ZFP64: variants seen among roughly 807,000 people sequenced by gnomAD.
The protein encoded by ZFP64 is zinc finger protein 64.
ZFP64 carries 14 observed loss-of-function variants against 51.6 expected under a neutral mutation model. The ratio of observed to expected loss-of-function variants is 0.27; its 90% confidence interval spans 0.18 to 0.42. The LOEUF (loss-of-function observed/expected upper bound fraction) is 0.42. ZFP64 is among the 10% of genes least tolerant of loss of function. The pLI is 1.00. For synonymous variants in ZFP64, 375 were observed against 361.4 expected (o/e 1.04, Z -0.43); for missense variants, 754 against 906.8 (o/e 0.83, Z 2.16).
At chr20:52,158,353 C>G (rs1301824649) in intron 5 of ZFP64, among the ~76,000 whole-genome samples, 2 of 152,148 alleles carry the variant, frequency 1.3e-5, no homozygotes, top group African/African-American at 4.8e-5. Flanking sequence ...TGCATTTTGC[C>G]TGTCAGAGAG....
chr20:52,179,341 C>T (rs1180918667), intron 2 of ZFP64, among the ~76,000 whole-genome samples: 1 of 152,192 alleles, frequency 6.6e-6, no homozygotes, highest in Non-Finnish European at 1.5e-5. Flanking sequence ...TGAAAACGGA[C>T]TAACACAGCC....
chr20:52,191,151 G>A lies in ZFP64; in HGVS notation c.46+440C>T, dbSNP rs904861274. Among the ~76,000 whole-genome samples the A allele has an allele frequency of 2.0e-5, 3 of 152,166 alleles. No homozygotes were observed. Among genetic ancestry groups the A allele is most frequent in the Admixed American group, 1.3e-4 (2 of 15,280 alleles). On this transcript the variant is annotated intron_variant, in intron 1 of 5. Transcript: ENST00000216923. This position sits in a 1 kb window ranked among gnomAD's most constrained non-coding sequence, Gnocchi z 4.3. The stretch of plus-strand genomic sequence containing the variant: ...TTGCAATGAGCCGGCAGGACCTCGT[G>A]AGACCTGGTGATTCCCCCAATCTCC...
At chr20:52,130,325 C>T (rs986835328) in intron 5 of ZFP64, among the ~76,000 whole-genome samples, 1 of 152,170 alleles carries the variant, frequency 6.6e-6, no homozygotes, top group Admixed American at 6.5e-5. Context: ...GTGATCCTCC[C>T]ACCTCAGCCT....
intron 5 of ZFP64, among the ~76,000 whole-genome samples, chr20:52,113,932 T>C (rs556945666): frequency 2.4e-4 from 37 of 152,022 alleles, no homozygotes; most frequent in Non-Finnish European, 4.9e-4. Flanking sequence ...GTGGTAGTGG[T>C]GGGTACCTGA....
intron 2 of ZFP64, among the ~76,000 whole-genome samples, chr20:52,184,094 C>T (rs1186791416): frequency 6.6e-6 from 1 of 152,134 alleles, no homozygotes; most frequent in Non-Finnish European, 1.5e-5. Context: ...AAGTGATCCG[C>T]CTCGGTCTCC....
intron 5 of ZFP64, among the ~76,000 whole-genome samples, chr20:52,140,505 C>T (rs755819057): frequency 6.6e-5 from 10 of 152,228 alleles, no homozygotes; most frequent in African/African-American, 1.2e-4. Flanking sequence ...AAACCAGCCA[C>T]GACATTGTCT....
rs1439641440 is a variant in ZFP64 at position 52,108,947 on chromosome 20, T to C, written c.764-10360A>G. On this transcript the variant is annotated intron_variant, in intron 5 of 8. Transcript: ENST00000361387. ...GATATAAATGAAAGCAAAGTATCAT[T>C]GGCCATGCGTAATCAGTCATGATTC... is the stretch of plus-strand genomic sequence containing the variant. 3.3e-5 allele frequency among the ~76,000 whole-genome samples: 5 copies of C among 151,460 alleles called. No individual in the cohort carries two copies. The East Asian group carries it at 5.8e-4, about 18-fold the overall frequency.
In ZFP64 at chr20:52,152,957, C is replaced by G; in HGVS notation, c.1235G>C (p.Ser412Thr). 6.2e-7 allele frequency: 1 copy of G among 1,613,770 alleles called. No individual in the cohort carries two copies. Among genetic ancestry groups the G allele is most frequent in the East Asian group, 2.2e-5 (1 of 44,882 alleles). Residue 412 changes from serine (S) to threonine (T), a missense_variant, in exon 6 of 6, where the codon AGC (serine) becomes ACC (threonine). This residue lies in a region of ZFP64 where 428 missense variants were observed against 472.4 expected (regional missense o/e 0.91). Transcript: ENST00000216923. ...ALERKDTGRQ[S>T]SRQVAKLDAK... ...ATCCAGCTTGGCCACCTGCCGGCTG[C>G]TCTGCCTGCCGGTGTCCTTCCTCTC...
At chr20:52,174,630 T>C (rs535288478) in intron 2 of ZFP64, among the ~76,000 whole-genome samples, 42 of 152,300 alleles carry the variant, frequency 2.8e-4, no homozygotes, top group African/African-American at 9.6e-4. Flanking sequence ...CAACCTCTAA[T>C]GGCCACATAA....
chr20:52,098,935 G>C (rs2079021563), intron 5 of ZFP64, among the ~76,000 whole-genome samples: 1 of 148,970 alleles, frequency 6.7e-6, no homozygotes, highest in South Asian at 2.2e-4. Context: ...CTGGGAGGCA[G>C]AGGTTGCAGT....
intron 5 of ZFP64, among the ~76,000 whole-genome samples, chr20:52,156,136 A>G (rs1981300249): frequency 6.6e-6 from 1 of 152,168 alleles, no homozygotes; most frequent in Non-Finnish European, 1.5e-5. Context: ...AGGCTGGGGG[A>G]AATTTCTGAA....
chr20:52,189,884 TTC>T (rs2123145648), intron 1 of ZFP64, among the ~76,000 whole-genome samples: 1 of 152,328 alleles, frequency 6.6e-6, no homozygotes, highest in South Asian at 2.1e-4. Flanking sequence ...CGTCATAATC[TTC>T]TCAGCAACAA....
At chr20:52,174,457 T>A (rs1272789614) in intron 2 of ZFP64, among the ~76,000 whole-genome samples, 1 of 123,468 alleles carries the variant, frequency 8.1e-6, no homozygotes, top group African/African-American at 3.1e-5. Context: ...CGCTCCAGCC[T>A]GGGCAACAGA....
chr20:52,191,302 G>T lies in ZFP64; in HGVS notation c.46+289C>A, dbSNP rs1255831733. On this transcript the variant is annotated intron_variant, in intron 1 of 5. Coordinates refer to ENST00000216923, the MANE Select transcript of ZFP64 (RefSeq NM_018197.3). The surrounding 1 kb of genome is among the most constrained non-coding windows in gnomAD (Gnocchi z 4.3). ...GATGGGGCGGGAATGCCCTTAGGGG[G>T]TGGCGATTGTCTGAACGGCGTGCCC... 6.6e-6 allele frequency among the ~76,000 whole-genome samples: 1 copy of T among 152,180 alleles called. No individual in the cohort carries two copies. The highest frequency in any genetic ancestry group is 1.5e-5 in the Non-Finnish European group (1 of 68,024).
At chr20:52,116,154 G>A (rs78568777) in intron 5 of ZFP64, among the ~76,000 whole-genome samples, 1 of 113,696 alleles carries the variant, frequency 8.8e-6, no homozygotes, top group Non-Finnish European at 1.9e-5. Flanking sequence ...TTTTTTTTTT[G>A]AGATGGAGTC....
chr20:52,099,555 T>C (rs989858594), intron 5 of ZFP64, among the ~76,000 whole-genome samples: 6 of 152,206 alleles, frequency 3.9e-5, no homozygotes, highest in African/African-American at 9.6e-5. Context: ...AAAGCTGAGA[T>C]GGTAAGAAGT....
At chr20:52,187,621 T>G (rs1441682006) in intron 1 of ZFP64, among the ~76,000 whole-genome samples, 1 of 151,276 alleles carries the variant, frequency 6.6e-6, no homozygotes, top group Non-Finnish European at 1.5e-5. Context: ...AAACTCTGTC[T>G]CAAAAAAAAA....
chr20:52,086,047 G>A (rs1203350860), intron 8 of ZFP64, among the ~76,000 whole-genome samples: 3 of 152,152 alleles, frequency 2.0e-5, no homozygotes, highest in Non-Finnish European at 2.9e-5. Context: ...TAGTCCATCA[G>A]CTTCTGAGAT....
chr20:52,109,780 C>CAAAAAAAAAA (rs779914417), intron 5 of ZFP64, among the ~76,000 whole-genome samples: 2 of 46,110 alleles, frequency 4.3e-5, no homozygotes, highest in Non-Finnish European at 9.0e-5. Context: ...AATTCCACCT[C>CAAAAAAAAAA]AAAAAAAAAA....
Sources: gnomAD v4.1 joint callset for allele counts (sites outside exome capture counted in the v4.1 genomes callset) on GRCh38, gnomAD v4.1.1 for gene constraint, gnomAD v4.1.1 regional missense constraint, Gnocchi (gnomAD v3.1) non-coding constraint, MANE v1.5 for transcripts, NCBI Gene and HGNC (gene_info 2026-07-23, HGNC 2026-07-21) for gene names.